The following EXTL3 variants were observed in gnomAD, a reference collection of about 807,000 sequenced individuals.
EXTL3 encodes the protein exostosin-like 3.
A neutral mutation model predicts 69.3 loss-of-function variants in EXTL3; 27 were observed. The observed-to-expected ratio is 0.39, with a 90% CI of 0.29 to 0.54. The LOEUF is 0.54. Among genes scored for constraint, EXTL3 ranks in the 20% least tolerant of loss-of-function variants. The pLI is 0.69. For missense variants in EXTL3, 1,003 were observed against 1,231.8 expected (o/e 0.81, Z 2.78); for synonymous variants, 511 against 499.4 (o/e 1.02, Z -0.31).
chr8:28,644,174 A>G (rs1418633074), intron 1 of EXTL3, among the ~76,000 whole-genome samples: 1 of 151,958 alleles, frequency 6.6e-6, no homozygotes. Context: ...TTTTTGCTCA[A>G]TATTATGTTT....
Position 28,716,533 on chromosome 8 carries a change from A to T in EXTL3, c.474A>T (p.Arg158=), listed in dbSNP as rs749842890. ...AGCCCAAGCTGTCCCTGCCCATCCGACTGCTCCCAGAGAAGGACGATGCCG... is the reference window on the plus strand; with the variant it reads ...AGCCCAAGCTGTCCCTGCCCATCCGTCTGCTCCCAGAGAAGGACGATGCCG... ...QNQPKLSLPI[R]LLPEKDDAGL... Residue 158 remains arginine, a synonymous_variant, in exon 3 of 7, where the codon CGA becomes CGT. Coordinates refer to ENST00000220562, the MANE Select transcript of EXTL3 (RefSeq NM_001440.4). The surrounding 1 kb of genome is among the most constrained non-coding windows in gnomAD (Gnocchi z 7.1). 1.6e-5 allele frequency: 26 copies of T among 1,613,924 alleles called. No homozygotes were observed. The Middle Eastern group carries it at 4.9e-4, about 31-fold the overall frequency.
chr8:28,703,809 T>G (rs1016150968), intron 1 of EXTL3, among the ~76,000 whole-genome samples: 31 of 152,248 alleles, frequency 2.0e-4, no homozygotes, highest in Admixed American at 2.0e-3. Context: ...TTATTAAGTT[T>G]AGCTCAGAAA....
chr8:28,659,616 G>T (rs1807074956), intron 1 of EXTL3, among the ~76,000 whole-genome samples: 1 of 152,184 alleles, frequency 6.6e-6, no homozygotes, highest in South Asian at 2.1e-4. Context: ...GGATCCGGGT[G>T]TCGGTTTCCC....
intron 3 of EXTL3, among the ~76,000 whole-genome samples, chr8:28,719,696 C>G (rs1045648767): frequency 2.0e-5 from 3 of 151,794 alleles, no homozygotes; most frequent in Non-Finnish European, 4.4e-5. Flanking sequence ...TTTTTTCTTT[C>G]TGTTACAACT....
At chr8:28,691,572 A>ATTTTTTGTTTTTTTTT in intron 1 of EXTL3, among the ~76,000 whole-genome samples, 1 of 135,494 alleles carries the variant, frequency 7.4e-6, no homozygotes, top group Middle Eastern at 3.3e-3. Flanking sequence ...AGTTTTTGTG[A>ATTTTTTGTTTTTTTTT]TTTTTTTTTT....
intron 1 of EXTL3, among the ~76,000 whole-genome samples, chr8:28,663,134 G>T (rs1188459034): frequency 6.6e-6 from 1 of 152,172 alleles, no homozygotes; most frequent in Non-Finnish European, 1.5e-5. Context: ...AAGGAAAAAT[G>T]TTGGAAAGCC....
At chr8:28,632,572 T>G (rs1205645137) in intron 1 of EXTL3, among the ~76,000 whole-genome samples, 3 of 145,282 alleles carry the variant, frequency 2.1e-5, no homozygotes, top group Non-Finnish European at 3.0e-5. Flanking sequence ...TTTTTTTTTT[T>G]GAGAGGAGTC....
At chr8:28,693,500 TGTTTA>T (rs1401083467) in intron 1 of EXTL3, among the ~76,000 whole-genome samples, 1 of 151,736 alleles carries the variant, frequency 6.6e-6, no homozygotes, top group Non-Finnish European at 1.5e-5. Context: ...GAAACTTGAA[TGTTTA>T]TTTTTTTTTT....
intron 6 of EXTL3, among the ~76,000 whole-genome samples, chr8:28,748,879 C>T (rs1457394410): frequency 6.6e-6 from 1 of 152,066 alleles, no homozygotes; most frequent in Non-Finnish European, 1.5e-5. Flanking sequence ...GAGGCTGAGG[C>T]AGGAGGATTT....
At chr8:28,679,392 A>G (rs560299605) in intron 1 of EXTL3, among the ~76,000 whole-genome samples, 24 of 152,164 alleles carry the variant, frequency 1.6e-4, no homozygotes, top group East Asian at 1.4e-3. Flanking sequence ...GTTACAGTGA[A>G]CCAAGATCGT....
chr8:28,681,234 G>A (rs542843182), intron 1 of EXTL3, among the ~76,000 whole-genome samples: 99 of 151,354 alleles, frequency 6.5e-4, no homozygotes, highest in Non-Finnish European at 1.3e-3. Flanking sequence ...ATGCATCCCA[G>A]ACAGACACAC....
intron 1 of EXTL3, among the ~76,000 whole-genome samples, chr8:28,661,646 G>T (rs1041822240): frequency 6.6e-6 from 1 of 151,786 alleles, no homozygotes; most frequent in African/African-American, 2.4e-5. Context: ...TTGGGAGGCC[G>T]AGGTGGGTGG....
rs148894286 is a variant in EXTL3 at position 28,664,110 on chromosome 8, C to T, written c.-53+41300C>T. On this transcript the variant is annotated intron_variant, in intron 1 of 6. Coordinates refer to the EXTL3 transcript ENST00000523149. ...GACAGGCAGTGGGTTACAGAATGAG[C>T]AGAGAGAAAGACCCGGATTTGGCGG... 4.9e-3 allele frequency among the ~76,000 whole-genome samples: 743 copies of T among 152,298 alleles called. 9 individuals are homozygous for T. Among genetic ancestry groups the T allele is most frequent in the African/African-American group, 0.017 (720 of 41,550 alleles).
Position 28,689,982 on chromosome 8 carries a change from C to G in EXTL3, c.-52-23475C>G, listed in dbSNP as rs182078862. Among the ~76,000 whole-genome samples, 430 of 152,282 alleles carry G rather than the reference C, an allele frequency of 2.8e-3. 1 individual carries two copies. Among genetic ancestry groups the G allele is most frequent in the African/African-American group, 9.6e-3 (400 of 41,568 alleles). On this transcript the variant is annotated intron_variant, in intron 1 of 6. Transcript: ENST00000523149. ...ATCACAGTCTTTGCTGATCCGATCT[C>G]TCTTCCAACTCAGCCATAAATACAG...
In EXTL3 at chr8:28,750,662, C is replaced by G. The variant is rs763848135; in HGVS notation, c.2556C>G (p.Thr852=). ...TCTCTCTCTCCCGTTTCCAGGTGAC[C>G]TCACGGTGGACATTCCGATGCCCAG... The part of the protein sequence containing the change: ...HITRKPPIKV[T]SRWTFRCPGC... The change falls in exon 7 of 7, where the codon ACC becomes ACG. Residue 852 remains threonine, a synonymous_variant. Transcript: ENST00000220562. The surrounding 1 kb of genome is among the most constrained non-coding windows in gnomAD (Gnocchi z 5.2). 2 of 1,613,944 alleles carry G rather than the reference C, an allele frequency of 1.2e-6. No individual in the cohort carries two copies. Among genetic ancestry groups the G allele is most frequent in the Non-Finnish European group, 1.7e-6 (2 of 1,179,822 alleles).
chr8:28,657,150 C>T (rs923744124), intron 1 of EXTL3, among the ~76,000 whole-genome samples: 2 of 152,070 alleles, frequency 1.3e-5, no homozygotes, highest in African/African-American at 4.8e-5. Context: ...GCCATGTTGG[C>T]CAGGCTGCTC....
At chr8:28,669,408 G>A (rs1217631324) in intron 1 of EXTL3, among the ~76,000 whole-genome samples, 1 of 152,204 alleles carries the variant, frequency 6.6e-6, no homozygotes, top group Non-Finnish European at 1.5e-5. Flanking sequence ...GCTCTTTCAT[G>A]CCTATCAAAT....
At chr8:28,688,749 G>A (rs1585252225) in intron 1 of EXTL3, among the ~76,000 whole-genome samples, 1 of 152,306 alleles carries the variant, frequency 6.6e-6, no homozygotes, top group Non-Finnish European at 1.5e-5. Flanking sequence ...CTATAGTAAG[G>A]AGGTTATTGA....
chr8:28,630,788 C>T (rs759881835), intron 1 of EXTL3, among the ~76,000 whole-genome samples: 3 of 151,966 alleles, frequency 2.0e-5, no homozygotes, highest in African/African-American at 4.8e-5. Flanking sequence ...AAGACAGACA[C>T]GTAGATAGAC....
Sources: gnomAD v4.1 joint callset for allele counts (sites outside exome capture counted in the v4.1 genomes callset) on GRCh38, gnomAD v4.1.1 for gene constraint, Gnocchi (gnomAD v3.1) non-coding constraint, MANE v1.5 for transcripts, NCBI Gene and HGNC (gene_info 2026-07-23, HGNC 2026-07-21) for gene names.